MMP28: variants seen among roughly 807,000 people sequenced by gnomAD.
The protein encoded by MMP28 is matrix metallopeptidase 28, also known as matrix metalloproteinase-28.
In MMP28, 55 loss-of-function variants were observed where a neutral mutation model predicts 60.5. The ratio of observed to expected loss-of-function variants is 0.91; its 90% confidence interval spans 0.73 to 1.14. The LOEUF is 1.14. Ranked by LOEUF, MMP28 falls within the 50% of genes most tolerant of loss-of-function variation. The pLI is 0.00. For synonymous variants in MMP28, 318 were observed against 312.5 expected (o/e 1.02, Z -0.18); for missense variants, 686 against 738.3 (o/e 0.93, Z 0.82).
At position 35,787,677 on chromosome 17, in the gene MMP28, T is replaced by C. The variant is rs539043564; in HGVS notation, c.111+7590A>G. Among the ~76,000 whole-genome samples, 28 of 152,202 alleles carry C rather than the reference T, an allele frequency of 1.8e-4. 1 individual carries two copies. In the South Asian group the frequency reaches 5.2e-3, roughly 28 times the overall value. ...GCTAATTTCGTATTTTTAGTAAAGA[T>C]GGGGCTTTGCCATGCTGGCCAGGCT... On this transcript the variant is annotated intron_variant, in intron 1 of 7. Transcript: ENST00000605424.
At position 35,766,858 on chromosome 17, in the gene MMP28, A is replaced by G; in HGVS notation, c.1205T>C (p.Val402Ala). The change falls in exon 8 of 8, where the codon GTG becomes GCG. Residue 402 changes from valine (V) to alanine (A), a missense_variant. Coordinates refer to ENST00000605424, the MANE Select transcript of MMP28 (RefSeq NM_024302.5). This position sits in a 1 kb window ranked among gnomAD's most constrained non-coding sequence, Gnocchi z 4.3. ...CCGGCACAGCTGTGGGAGACCCCAC[A>G]CTGGCTTGGGGCCCCGGAACCTCCA... is the stretch of plus-strand genomic sequence containing the variant. The part of the protein sequence containing the change: ...RCWRFRGPKP[V>A]WGLPQLCRAG... The G allele has an allele frequency of 6.3e-7, 1 of 1,581,686 alleles. No homozygotes were observed. The highest frequency in any genetic ancestry group is 8.6e-7 in the Non-Finnish European group (1 of 1,164,778).
intron 3 of MMP28, among the ~76,000 whole-genome samples, chr17:35,773,703 A>G (rs74361653): frequency 0.021 from 3,124 of 152,272 alleles, 61 homozygotes; most frequent in East Asian, 0.11. Context: ...GAAGCCCCCA[A>G]TCTGAAGAAG....
At chr17:35,764,294 C>T, downstream of MMP28, 2 of 1,514,572 alleles carry the variant, frequency 1.3e-6, no homozygotes, top group Non-Finnish European at 1.8e-6. Flanking sequence ...CCCCTTAGCG[C>T]TGCTGGGCGG....
intron 1 of MMP28, among the ~76,000 whole-genome samples, chr17:35,788,449 T>C (rs1353981927): frequency 3.9e-5 from 6 of 152,120 alleles, no homozygotes; most frequent in African/African-American, 1.4e-4. Flanking sequence ...ACTACCCAAA[T>C]CCTGGTAATT....
intron 2 of MMP28, among the ~76,000 whole-genome samples, chr17:35,758,480 T>C (rs587661902): frequency 6.6e-6 from 1 of 152,194 alleles, no homozygotes; most frequent in East Asian, 1.9e-4. Flanking sequence ...TCACTTGAGG[T>C]CAGGAGTTCA....
chr17:35,786,933 T>C lies in MMP28; in HGVS notation c.112-7610A>G, dbSNP rs148444104. Reference sequence around the variant, plus strand: ...TAAGTCTCAGGGGAGTGTAGTGTCTTACCAAAGTGATCTAGTGTGTGACAG... The same window carrying C: ...TAAGTCTCAGGGGAGTGTAGTGTCTCACCAAAGTGATCTAGTGTGTGACAG... On this transcript the variant is annotated intron_variant, in intron 1 of 7. Coordinates refer to ENST00000605424, the MANE Select transcript of MMP28 (RefSeq NM_024302.5). Among the ~76,000 whole-genome samples the C allele has an allele frequency of 3.3e-5, 5 of 152,122 alleles. No homozygotes were observed. The East Asian group carries it at 9.7e-4, about 29-fold the overall frequency.
chr17:35,768,713 G>A (rs1039894530), intron 5 of MMP28, among the ~76,000 whole-genome samples: 6 of 152,204 alleles, frequency 3.9e-5, no homozygotes, highest in Non-Finnish European at 4.4e-5. Context: ...GGGAGGCTGA[G>A]GCAGGAGAAC....
chr17:35,781,377 A>T (rs2086496817), intron 1 of MMP28, among the ~76,000 whole-genome samples: 1 of 152,200 alleles, frequency 6.6e-6, no homozygotes, highest in Non-Finnish European at 1.5e-5. Flanking sequence ...CACTGGCTGT[A>T]TGATCCTAGA....
chr17:35,763,027 C>T (rs1343648162), downstream of MMP28, among the ~76,000 whole-genome samples: 1 of 150,910 alleles, frequency 6.6e-6, no homozygotes, highest in African/African-American at 2.4e-5. Flanking sequence ...GAGGCTGAGG[C>T]AGGAGAATGG....
At chr17:35,793,164 G>C (rs1441139066) in intron 1 of MMP28, among the ~76,000 whole-genome samples, 1 of 151,956 alleles carries the variant, frequency 6.6e-6, no homozygotes, top group Non-Finnish European at 1.5e-5. Context: ...ATATTTTCTT[G>C]TTCTCAGAGT....
At chr17:35,793,102 TAG>T (rs2086861016) in intron 1 of MMP28, among the ~76,000 whole-genome samples, 1 of 152,222 alleles carries the variant, frequency 6.6e-6, no homozygotes, top group Non-Finnish European at 1.5e-5. Context: ...CATAGGCATA[TAG>T]AGACACGTAC....
intron 3 of MMP28, among the ~76,000 whole-genome samples, chr17:35,776,806 T>A (rs2086345061): frequency 6.6e-6 from 1 of 152,072 alleles, no homozygotes; most frequent in Admixed American, 6.6e-5. Flanking sequence ...GAAGAATTGC[T>A]TGAACCCAAG....
At position 35,766,187 on chromosome 17, in the gene MMP28, G is replaced by A; in HGVS notation, c.*313C>T. 1.8e-6 allele frequency: 2 copies of A among 1,137,974 alleles called. No homozygotes were observed. The highest frequency in any genetic ancestry group is 2.2e-6 in the Non-Finnish European group (2 of 926,796). 70.5% of individuals were successfully genotyped at this position (1,137,974 alleles called of 1,614,324 possible). A position where few individuals can be genotyped will look rare whatever the true frequency, so the allele number is the denominator to read the frequency against. On this transcript the variant is annotated 3_prime_UTR_variant, in exon 8 of 8. Coordinates refer to ENST00000605424, the MANE Select transcript of MMP28 (RefSeq NM_024302.5). This position sits in a 1 kb window ranked among gnomAD's most constrained non-coding sequence, Gnocchi z 4.3. The stretch of plus-strand genomic sequence containing the variant: ...ATCCCAGTGCTGTTACCTCTTGAAA[G>A]GAACTGTACCTTTAGCCGAAGAAAC...
chr17:35,766,889 G>C lies in MMP28; in HGVS notation c.1174C>G (p.Arg392Gly). The C allele has an allele frequency of 1.9e-6, 3 of 1,574,118 alleles. No homozygotes were observed. The highest frequency in any genetic ancestry group is 1.7e-6 in the Non-Finnish European group (2 of 1,160,750). Reference protein sequence around the residue: ...DGDFYFFKGGRCWRFRGPKPV... With the variant: ...DGDFYFFKGGGCWRFRGPKPV... ...TTGGGGCCCCGGAACCTCCAGCATC[G>C]ACCCCCTGTGGGGAATTGGGAGAGC... Residue 392 changes from arginine (R) to glycine (G), a missense_variant, in exon 8 of 8, where the codon CGA becomes GGA. Physicochemically the swap from Arg to Gly is moderately radical, Grantham distance 125. Transcript: ENST00000605424. This position sits in a 1 kb window ranked among gnomAD's most constrained non-coding sequence, Gnocchi z 4.3.
At chr17:35,760,905 C>T (rs782462183), downstream of MMP28, 2 of 1,612,960 alleles carry the variant, frequency 1.2e-6, no homozygotes, top group Non-Finnish European at 1.7e-6. Context: ...ACATCCCAGT[C>T]TCTGATCAGG....
Position 35,795,256 on chromosome 17 carries a change from A to C in MMP28, c.111+11T>G. The stretch of plus-strand genomic sequence containing the variant: ...ACACGCACCGCTCTCCGCCAGGTAC[A>C]CACGGCGTACCTCCGCCTCCTTGCG... On this transcript the variant is annotated intron_variant, in intron 1 of 7. Transcript: ENST00000605424. 1 of 1,399,762 alleles carries C rather than the reference A, an allele frequency of 7.1e-7. No homozygotes were observed. The highest frequency in any genetic ancestry group is 9.3e-7 in the Non-Finnish European group (1 of 1,074,914). The allele number at this position is 1,399,762 out of a possible 1,614,324, so 86.7% of individuals were successfully genotyped here.
chr17:35,767,648 T>C (rs2085986177), intron 7 of MMP28, 104 bp downstream of exon 7: 5 of 1,346,610 alleles, frequency 3.7e-6, no homozygotes, highest in South Asian at 2.8e-5. Context: ...GACTCCACCA[T>C]GGACTCGTGT....
At chr17:35,783,648 T>A (rs955187651) in intron 1 of MMP28, among the ~76,000 whole-genome samples, 1 of 152,130 alleles carries the variant, frequency 6.6e-6, no homozygotes, top group African/African-American at 2.4e-5. Context: ...GGGAGTTGGC[T>A]CCGGTTCTGG....
At chr17:35,759,720 A>G (rs1555601173) in intron 2 of MMP28, among the ~76,000 whole-genome samples, 2 of 116,092 alleles carry the variant, frequency 1.7e-5, no homozygotes, top group African/African-American at 3.3e-5. Flanking sequence ...CGCCCCCCCA[A>G]AAAAGATTCA....
Sources: allele counts gnomAD v4.1 joint callset (sites outside exome capture counted in the v4.1 genomes callset), GRCh38; gene constraint gnomAD v4.1.1; non-coding constraint Gnocchi (gnomAD v3.1); transcripts MANE v1.5; gene names NCBI Gene and HGNC (gene_info 2026-07-23, HGNC 2026-07-21).